The following MARCHF3 variants were observed in gnomAD, a reference collection of about 807,000 sequenced individuals.
MARCHF3 encodes membrane associated ring-CH-type finger 3, also known as E3 ubiquitin-protein ligase MARCHF3.
A neutral mutation model predicts 24.2 loss-of-function variants in MARCHF3; 13 were observed. That is an observed-to-expected ratio of 0.54 (90% CI 0.35 to 0.85). The LOEUF (loss-of-function observed/expected upper bound fraction) is 0.85, where lower values mean the gene tolerates loss of function less well. Ranked by LOEUF, MARCHF3 falls within the 40% of genes least tolerant of loss-of-function variation. The pLI is 0.01. For synonymous variants in MARCHF3, 144 were observed against 137.3 expected, an observed-to-expected ratio of 1.05 and a Z score of -0.34; for missense variants, 276 against 325.0, an observed-to-expected ratio of 0.85 and a Z score of 1.16.
At position 126,947,580 on chromosome 5, in the gene MARCHF3, T is replaced by G. The variant is rs1750073491; in HGVS notation, c.-56-29353A>C. On this transcript the variant is annotated intron_variant, in intron 1 of 4. Coordinates refer to ENST00000308660, the MANE Select transcript of MARCHF3 (RefSeq NM_178450.5). ...TTAGAGGTTCATGAATTGCAACAGA[T>G]GTACCCTCTGGTGGGGGATGGTGAT... is the stretch of plus-strand genomic sequence containing the variant. 3.9e-5 allele frequency among the ~76,000 whole-genome samples: 6 copies of G among 152,192 alleles called. No homozygotes were observed. The South Asian group carries it at 1.0e-3, about 26-fold the overall frequency.
At chr5:126,946,794 G>GTGTGTGTGTGTGTC (rs1750033094) in intron 1 of MARCHF3, among the ~76,000 whole-genome samples, 2 of 150,668 alleles carry the variant, frequency 1.3e-5, no homozygotes, top group Admixed American at 6.6e-5. Context: ...GTGTGTGTGT[G>GTGTGTGTGTGTGTC]TGTCTGTGTG....
chr5:127,029,003 C>G (rs1368820246), intron 1 of MARCHF3, among the ~76,000 whole-genome samples: 1 of 152,132 alleles, frequency 6.6e-6, no homozygotes, highest in Non-Finnish European at 1.5e-5. Context: ...AAAACAGGAA[C>G]GCGGATTCTG....
intron 1 of MARCHF3, among the ~76,000 whole-genome samples, chr5:127,023,624 C>T (rs1490632484): frequency 4.6e-5 from 7 of 151,636 alleles, no homozygotes; most frequent in Admixed American, 6.6e-5. Context: ...CCCAGCTACT[C>T]GGAAGGCTGA....
At chr5:126,968,142 C>T (rs1750879006) in intron 1 of MARCHF3, among the ~76,000 whole-genome samples, 1 of 152,182 alleles carries the variant, frequency 6.6e-6, no homozygotes, top group Non-Finnish European at 1.5e-5. Context: ...TAGAATGCAC[C>T]AGTACTTTGT....
chr5:126,894,214 A>G (rs1174354461), intron 3 of MARCHF3, among the ~76,000 whole-genome samples: 1 of 134,688 alleles, frequency 7.4e-6, no homozygotes, highest in Non-Finnish European at 1.5e-5. Flanking sequence ...TCCTGAATAC[A>G]GCACACTGAT....
chr5:126,914,947 G>T lies in MARCHF3; in HGVS notation c.376C>A (p.Pro126Thr), dbSNP rs760059259. ...CHFRFAVERKPRPLVEWLRNP... is the reference protein window; with the variant it reads ...CHFRFAVERKTRPLVEWLRNP... ...TTACTGACCTCCACTAACGGCCTGG[G>T]TTTGCGCTCGACTGCAAACCTGAAG... The change falls in exon 3 of 5, where the codon CCC becomes ACC. Residue 126 changes from proline (P) to threonine (T), a missense_variant. Transcript: ENST00000308660. 2.0e-5 allele frequency: 32 copies of T among 1,614,080 alleles called. No homozygotes were observed. Among genetic ancestry groups the T allele is most frequent in the Non-Finnish European group, 2.6e-5 (31 of 1,180,038 alleles).
intron 4 of MARCHF3, among the ~76,000 whole-genome samples, chr5:126,873,500 A>G (rs1753041860): frequency 6.6e-6 from 1 of 152,082 alleles, no homozygotes; most frequent in African/African-American, 2.4e-5. Flanking sequence ...AGCAGGCTGC[A>G]TCACCTGGGA....
intron 1 of MARCHF3, among the ~76,000 whole-genome samples, chr5:126,950,539 T>C (rs1750195200): frequency 6.6e-6 from 1 of 152,130 alleles, no homozygotes; most frequent in South Asian, 2.1e-4. Context: ...TCTGTCTCTA[T>C]TGACTCTGCC....
At chr5:127,027,104 A>C (rs749061820) in intron 1 of MARCHF3, among the ~76,000 whole-genome samples, 1 of 152,244 alleles carries the variant, frequency 6.6e-6, no homozygotes, top group Non-Finnish European at 1.5e-5. Flanking sequence ...ATCAAATGAT[A>C]AATAAAAAAC....
chr5:126,914,564 C>T (rs1754650621), intron 3 of MARCHF3: 1 of 324,894 alleles, frequency 3.1e-6, no homozygotes, highest in Non-Finnish European at 5.8e-6. Context: ...TCTCCTGCTT[C>T]AAGTTGGGCA....
At chr5:126,942,466 C>A (rs558668407) in intron 1 of MARCHF3, among the ~76,000 whole-genome samples, 1 of 151,828 alleles carries the variant, frequency 6.6e-6, no homozygotes, top group Non-Finnish European at 1.5e-5. Context: ...AATGCAAAAA[C>A]CACTCTTCTA....
intron 1 of MARCHF3, among the ~76,000 whole-genome samples, chr5:127,014,169 G>T (rs1277177688): frequency 6.6e-6 from 1 of 152,104 alleles, no homozygotes; most frequent in African/African-American, 2.4e-5. Flanking sequence ...TTAATATCCA[G>T]AATATACAGA....
chr5:126,883,036 A>G (rs1753392029), intron 3 of MARCHF3, among the ~76,000 whole-genome samples: 1 of 152,210 alleles, frequency 6.6e-6, no homozygotes, highest in Non-Finnish European at 1.5e-5. Flanking sequence ...GAAAATGGTT[A>G]CATCTTAATT....
chr5:127,030,073 G>A (rs1321916896), intron 1 of MARCHF3: 1 of 152,266 alleles, frequency 6.6e-6, no homozygotes, highest in Non-Finnish European at 1.5e-5. Flanking sequence ...CGTTGCCGCA[G>A]AGGGGCAGGG....
At chr5:126,970,474 CTT>C (rs528502923) in intron 1 of MARCHF3, among the ~76,000 whole-genome samples, 1 of 145,252 alleles carries the variant, frequency 6.9e-6, no homozygotes, top group Non-Finnish European at 1.5e-5. Context: ...TACTTTTTTT[CTT>C]TTTTTTTTTT....
At chr5:126,976,249 C>A (rs1020427964) in intron 1 of MARCHF3, among the ~76,000 whole-genome samples, 5 of 152,132 alleles carry the variant, frequency 3.3e-5, no homozygotes, top group African/African-American at 1.2e-4. Flanking sequence ...GTGTGGAGGA[C>A]CTTGAGGGTA....
chr5:126,954,598 T>C (rs1025761848), intron 1 of MARCHF3, among the ~76,000 whole-genome samples: 3 of 151,484 alleles, frequency 2.0e-5, no homozygotes, highest in African/African-American at 7.3e-5. Context: ...CTCAAACTTC[T>C]GCACTCAAGT....
chr5:127,012,974 T>A (rs1009226741), intron 1 of MARCHF3, among the ~76,000 whole-genome samples: 4 of 152,172 alleles, frequency 2.6e-5, no homozygotes, highest in African/African-American at 9.7e-5. Context: ...TTCCCAACAC[T>A]CAACTGAATC....
chr5:126,954,010 C>G (rs1314806945), intron 1 of MARCHF3, among the ~76,000 whole-genome samples: 1 of 151,908 alleles, frequency 6.6e-6, no homozygotes, highest in Non-Finnish European at 1.5e-5. Context: ...TACTTACTCC[C>G]ATTTATGTAG....
Sources: allele counts gnomAD v4.1 joint callset (sites outside exome capture counted in the v4.1 genomes callset), GRCh38; gene constraint gnomAD v4.1.1; transcripts MANE v1.5; gene names NCBI Gene and HGNC (gene_info 2026-07-23, HGNC 2026-07-21).